Variants in PDE4D observed in about 807,000 individuals in gnomAD.
PDE4D encodes the protein 3',5'-cyclic-AMP phosphodiesterase 4D.
PDE4D carries 24 observed loss-of-function variants against 87.4 expected under a neutral mutation model. The ratio of observed to expected loss-of-function variants is 0.27; its 90% CI spans 0.20 to 0.39. PDE4D has a LOEUF of 0.39. PDE4D is among the 10% of genes least tolerant of loss of function. The pLI is 1.00. For synonymous variants in PDE4D, 384 were observed against 383.2 expected (o/e 1.00, Z -0.02); for missense variants, 714 against 1,041.0 (o/e 0.69, Z 4.32).
chr5:59,437,088 A>G (rs555949699), intron 1 of PDE4D, among the ~76,000 whole-genome samples: 14 of 152,326 alleles, frequency 9.2e-5, no homozygotes, highest in Middle Eastern at 3.4e-3. Flanking sequence ...CAACAAACCT[A>G]TTATATATCC....
At chr5:59,854,530 G>A (rs1745135371) in intron 1 of PDE4D, among the ~76,000 whole-genome samples, 1 of 151,870 alleles carries the variant, frequency 6.6e-6, no homozygotes, top group South Asian at 2.1e-4. Context: ...TTGAAGTTGT[G>A]CTTAGAGGGT....
intron 2 of PDE4D, among the ~76,000 whole-genome samples, chr5:60,068,521 G>A (rs1772356139): frequency 6.6e-6 from 1 of 151,748 alleles, no homozygotes; most frequent in Admixed American, 6.6e-5. Context: ...CAGATATACG[G>A]TTTGCAAATA....
intron 1 of PDE4D, among the ~76,000 whole-genome samples, chr5:59,675,976 G>C (rs1226683478): frequency 6.6e-6 from 1 of 152,088 alleles, no homozygotes; most frequent in African/African-American, 2.4e-5. Context: ...ACAGGCATGA[G>C]CCACCACACT....
At chr5:59,486,678 G>A (rs1805209432) in intron 1 of PDE4D, among the ~76,000 whole-genome samples, 1 of 152,102 alleles carries the variant, frequency 6.6e-6, no homozygotes, top group African/African-American at 2.4e-5. Context: ...GCAAGGAGTG[G>A]AGCTGAGGTT....
intron 1 of PDE4D, among the ~76,000 whole-genome samples, chr5:59,256,353 G>A (rs1466609157): frequency 6.6e-6 from 1 of 152,048 alleles, no homozygotes; most frequent in Non-Finnish European, 1.5e-5. Flanking sequence ...AGAAAGAGAA[G>A]CCTCCTTTTA....
At chr5:60,124,778 C>T (rs1778984156) in intron 2 of PDE4D, among the ~76,000 whole-genome samples, 1 of 152,118 alleles carries the variant, frequency 6.6e-6, no homozygotes, top group Admixed American at 6.6e-5. Context: ...CCCACCATTT[C>T]TTCTTGAATG....
At chr5:59,160,259 C>T (rs1334857648) in intron 5 of PDE4D, among the ~76,000 whole-genome samples, 1 of 152,162 alleles carries the variant, frequency 6.6e-6, no homozygotes, top group Non-Finnish European at 1.5e-5. Flanking sequence ...TAAATTTTCA[C>T]ACATTATCAG....
intron 6 of PDE4D, among the ~76,000 whole-genome samples, chr5:59,025,052 T>C (rs1361558963): frequency 6.6e-6 from 1 of 152,204 alleles, no homozygotes; most frequent in African/African-American, 2.4e-5. Flanking sequence ...ACTTTAGTTT[T>C]CCTAAACCTA....
chr5:59,561,105 T>C (rs1254838130), intron 1 of PDE4D, among the ~76,000 whole-genome samples: 1 of 152,156 alleles, frequency 6.6e-6, no homozygotes, highest in Non-Finnish European at 1.5e-5. Flanking sequence ...CTTTGGAAAA[T>C]GAAATATGAT....
At chr5:59,630,682 G>T (rs1831453168) in intron 1 of PDE4D, among the ~76,000 whole-genome samples, 1 of 152,152 alleles carries the variant, frequency 6.6e-6, no homozygotes, top group Non-Finnish European at 1.5e-5. Flanking sequence ...AATGCCATCT[G>T]CTTGATGAGT....
chr5:60,013,954 A>C (rs2152846813), intron 2 of PDE4D, among the ~76,000 whole-genome samples: 1 of 152,058 alleles, frequency 6.6e-6, no homozygotes, highest in South Asian at 2.1e-4. Context: ...TTAGCTGGGC[A>C]TGGTGGTGCA....
In PDE4D at chr5:59,862,732, T is replaced by C. The variant is rs140864774; in HGVS notation, c.455+30436A>G. ...GAATCCCAGCTCAATAACTAGCAGA[T>C]TTTTTTTCCTGCGGAAAAGTTTCTT... On this transcript the variant is annotated intron_variant, in intron 1 of 14. Transcript: ENST00000340635. 2.2e-4 allele frequency among the ~76,000 whole-genome samples: 34 copies of C among 152,260 alleles called. 1 individual carries two copies. Among genetic ancestry groups the C allele is most frequent in the African/African-American group, 7.9e-4 (33 of 41,552 alleles).
At chr5:60,287,004 CA>C (rs1291541906) in intron 1 of PDE4D, among the ~76,000 whole-genome samples, 1 of 152,172 alleles carries the variant, frequency 6.6e-6, no homozygotes, top group East Asian at 1.9e-4. Flanking sequence ...CTCTGCCACA[CA>C]ACACACTGTA....
intron 1 of PDE4D, among the ~76,000 whole-genome samples, chr5:60,353,891 T>C (rs1370992120): frequency 2.6e-5 from 4 of 152,166 alleles, no homozygotes; most frequent in Non-Finnish European, 5.9e-5. Context: ...CTAGAGCACA[T>C]AGTGTCTAAT....
rs545608077 is a variant in PDE4D, at chr5:59,518,320, AT to A, written c.456-302353del. ...TGTATTTCTTTTGCTAAAAAAAAAA[AT>A]AAAGCACGCTCGAGTATTTTTACTG... On this transcript the variant is annotated intron_variant, in intron 1 of 14. Coordinates refer to ENST00000340635, the MANE Select transcript of PDE4D (RefSeq NM_001104631.2). Among the ~76,000 whole-genome samples the A allele has an allele frequency of 2.6e-3, 398 of 152,172 alleles. 2 individuals carry two copies. Among genetic ancestry groups the A allele is most frequent in the African/African-American group, 9.0e-3 (372 of 41,476 alleles).
chr5:60,220,717 T>C (rs1399429772), intron 1 of PDE4D, among the ~76,000 whole-genome samples: 1 of 152,134 alleles, frequency 6.6e-6, no homozygotes, highest in Non-Finnish European at 1.5e-5. Flanking sequence ...TAAAATGCTA[T>C]TCATTCTTTA....
At chr5:59,867,633 A>G (rs936828375) in intron 1 of PDE4D, among the ~76,000 whole-genome samples, 2 of 152,178 alleles carry the variant, frequency 1.3e-5, no homozygotes, top group Non-Finnish European at 2.9e-5. Context: ...TAAGTAAAAG[A>G]ATAGTCATCA....
At chr5:59,746,051 A>C (rs7709094) in intron 1 of PDE4D, among the ~76,000 whole-genome samples, 4,378 of 152,268 alleles carry the variant, frequency 0.029, 186 homozygotes, top group African/African-American at 0.09. Context: ...TATCATTGTG[A>C]TAATTATGTG....
At chr5:59,232,486 C>T (rs1755435579) in intron 1 of PDE4D, among the ~76,000 whole-genome samples, 1 of 143,736 alleles carries the variant, frequency 7.0e-6, no homozygotes. Context: ...GGTATCTTAC[C>T]TTAGAATGGC....
Sources: gnomAD v4.1 joint callset for allele counts (sites outside exome capture counted in the v4.1 genomes callset) on GRCh38, gnomAD v4.1.1 for gene constraint, MANE v1.5 for transcripts, NCBI Gene and HGNC (gene_info 2026-07-23, HGNC 2026-07-21) for gene names.